Variants in TRIP12 observed in about 807,000 individuals in gnomAD.
The protein encoded by TRIP12 is E3 ubiquitin-protein ligase TRIP12.
In TRIP12, 25 loss-of-function variants were observed where a neutral mutation model predicts 244.2. The observed-to-expected ratio is 0.10, with a 90% CI of 0.07 to 0.14. The LOEUF is 0.14. TRIP12 is among the 10% of genes least tolerant of loss of function. The probability of loss-of-function intolerance (pLI) is 1.00; values close to 1 mark genes in which losing one functional copy is unlikely to be tolerated. For missense variants in TRIP12, 1,677 were observed against 2,486.4 expected (o/e 0.67, Z 6.92); for synonymous variants, 905 against 873.1 (o/e 1.04, Z -0.64).
intron 4 of TRIP12, among the ~76,000 whole-genome samples, chr2:229,856,384 A>G (rs986177868): frequency 6.6e-6 from 1 of 152,252 alleles, no homozygotes; most frequent in African/African-American, 2.4e-5. Flanking sequence ...GACACTGCCA[A>G]AACTCTTGGT....
At position 229,796,663 on chromosome 2, in the gene TRIP12, A is replaced by G; in HGVS notation, c.3744T>C (p.Ser1248=). 1 of 1,612,918 alleles carries G rather than the reference A, an allele frequency of 6.2e-7. No homozygotes were observed. The change falls in exon 25 of 42, where the codon TCT becomes TCC. Residue 1248 remains serine (S), a synonymous_variant. Transcript: ENST00000675903. ...TGCTCACAGCATCCTTTTCACTTTTAGATGTCAAATAAAGCAACAGCTGCT... is the reference window on the plus strand; with the variant it reads ...TGCTCACAGCATCCTTTTCACTTTTGGATGTCAAATAAAGCAACAGCTGCT... ...FVKQLLLYLT[S]KSEKDAVSRE... is the part of the protein sequence containing the mutation.
Position 229,778,439 on chromosome 2 carries a change from G to A in TRIP12, c.5358C>T (p.Phe1786=). 6.2e-7 allele frequency: 1 copy of A among 1,613,954 alleles called. No individual in the cohort carries two copies. The highest frequency in any genetic ancestry group is 8.5e-7 in the Non-Finnish European group (1 of 1,179,872). The part of the protein sequence containing the change: ...GKLMAKAIMD[F]RLVDLPLGLP... ...CAAACCATCCTAAACTTACCAATCT[G>A]AAATCCATGATAGCCTTGGCCATTA... The change falls in exon 36 of 42, where the codon TTC becomes TTT. Residue 1786 remains phenylalanine, a synonymous_variant. Transcript: ENST00000675903. This position sits in a 1 kb window ranked among gnomAD's most constrained non-coding sequence, Gnocchi z 4.1.
intron 1 of TRIP12, among the ~76,000 whole-genome samples, chr2:229,915,320 A>C (rs2075172236): frequency 6.6e-6 from 1 of 152,222 alleles, no homozygotes; most frequent in Admixed American, 6.5e-5. Context: ...TGGTCAATTA[A>C]AGAGTAACAA....
At position 229,887,810 on chromosome 2, in the gene TRIP12, GCAT is replaced by G. The variant is rs137875869; in HGVS notation, c.-49-7685_-49-7683del. Among the ~76,000 whole-genome samples the G allele has an allele frequency of 3.3e-3, 497 of 152,294 alleles. 4 individuals carry two copies. The highest frequency in any genetic ancestry group is 0.011 in the African/African-American group (463 of 41,558). The stretch of plus-strand genomic sequence containing the variant: ...AGGAATTATTTAATTTTCTGCAAGA[GCAT>G]CATATTTTAATTTTGCTATTATATT... On this transcript the variant is annotated intron_variant, in intron 1 of 41. Coordinates refer to ENST00000675903, the MANE Select transcript of TRIP12 (RefSeq NM_001348323.3).
At chr2:229,819,085 C>CACA (rs1553640456) in intron 8 of TRIP12, among the ~76,000 whole-genome samples, 20 of 109,692 alleles carry the variant, frequency 1.8e-4, no homozygotes, top group East Asian at 1.3e-3. Context: ...CACACACACA[C>CACA]AATTATAAAC....
intron 39 of TRIP12, among the ~76,000 whole-genome samples, chr2:229,770,751 G>A (rs890592281): frequency 1.3e-5 from 2 of 152,110 alleles, no homozygotes; most frequent in Non-Finnish European, 2.9e-5. Flanking sequence ...TGAATCATGG[G>A]GGCAGGTCTT....
intron 1 of TRIP12, among the ~76,000 whole-genome samples, chr2:229,890,164 C>T (rs1417495508): frequency 6.6e-6 from 1 of 151,516 alleles, no homozygotes; most frequent in African/African-American, 2.4e-5. Context: ...ACTGCAACCT[C>T]CGCCTCCCAG....
At chr2:229,921,393 C>T (rs2076529541) in intron 1 of TRIP12, 1 of 152,558 alleles carries the variant, frequency 6.6e-6, no homozygotes, top group African/African-American at 2.4e-5. Context: ...CTCCCCTTTC[C>T]CGATTTCCGG....
chr2:229,905,394 A>G (rs189390218), intron 1 of TRIP12, among the ~76,000 whole-genome samples: 2 of 152,216 alleles, frequency 1.3e-5, no homozygotes, highest in Admixed American at 6.5e-5. Context: ...GAGAGAAGAT[A>G]TATTTTGAAA....
chr2:229,802,908 T>C (rs887925892), intron 20 of TRIP12, among the ~76,000 whole-genome samples: 11 of 151,798 alleles, frequency 7.2e-5, no homozygotes, highest in Admixed American at 1.3e-4. Context: ...AAACCAGCTA[T>C]TGAAGGGTGG....
At chr2:229,822,430 C>G (rs952417958) in intron 8 of TRIP12, among the ~76,000 whole-genome samples, 2 of 152,148 alleles carry the variant, frequency 1.3e-5, no homozygotes, top group Non-Finnish European at 1.5e-5. Flanking sequence ...AATCAAAATT[C>G]TAGGAGGGCC....
rs867167356 is a variant in TRIP12 at position 229,917,633 on chromosome 2, T to C, written c.-50+4247A>G. 1.2e-4 allele frequency among the ~76,000 whole-genome samples: 19 copies of C among 152,136 alleles called. No individual in the cohort carries two copies. The South Asian group carries it at 2.1e-3, about 17-fold the overall frequency. ...ACAGTTGATATCCATCCAGGCACTC[T>C]AATGGCACGTTAGTCAGGGGAGATG... On this transcript the variant is annotated intron_variant, in intron 1 of 41. Transcript: ENST00000675903.
chr2:229,898,352 C>T (rs13388322), intron 1 of TRIP12, among the ~76,000 whole-genome samples: 5 of 152,160 alleles, frequency 3.3e-5, no homozygotes, highest in Admixed American at 6.5e-5. Context: ...CCACAGCGCA[C>T]GAAGTAACAA....
At chr2:229,909,125 T>G (rs1323989058) in intron 1 of TRIP12, among the ~76,000 whole-genome samples, 3 of 151,952 alleles carry the variant, frequency 2.0e-5, no homozygotes, top group Non-Finnish European at 4.4e-5. Flanking sequence ...TATGTTAGTT[T>G]TGTCCAAGTT....
intron 2 of TRIP12, among the ~76,000 whole-genome samples, chr2:229,867,300 G>C (rs948614172): frequency 6.6e-6 from 1 of 151,678 alleles, no homozygotes; most frequent in African/African-American, 2.4e-5. Flanking sequence ...TGAGTAGCTA[G>C]GACTACAGGT....
intron 13 of TRIP12, among the ~76,000 whole-genome samples, chr2:229,813,062 TATC>T (rs1294762548): frequency 6.6e-6 from 1 of 152,196 alleles, no homozygotes; most frequent in Non-Finnish European, 1.5e-5. Flanking sequence ...TTCACACTGT[TATC>T]ATCAGGTCCA....
At chr2:229,868,052 T>C (rs568961863) in intron 2 of TRIP12, among the ~76,000 whole-genome samples, 5 of 152,200 alleles carry the variant, frequency 3.3e-5, no homozygotes, top group Non-Finnish European at 7.3e-5. Context: ...CAAGGCCTGA[T>C]GGGACAGACT....
intron 8 of TRIP12, among the ~76,000 whole-genome samples, chr2:229,821,447 A>C (rs2050035503): frequency 6.6e-6 from 1 of 152,172 alleles, no homozygotes; most frequent in African/African-American, 2.4e-5. Context: ...GATAGCAATT[A>C]TTTTGGGCTT....
At chr2:229,814,516 A>T in intron 11 of TRIP12, 191 bp from the exon 12 acceptor site, 1 of 479,194 alleles carries the variant, frequency 2.1e-6, no homozygotes, top group Admixed American at 3.7e-5. Flanking sequence ...ACCAGTTTGC[A>T]GTTCTAAGAT....
Sources: allele counts gnomAD v4.1 joint callset (sites outside exome capture counted in the v4.1 genomes callset), GRCh38; gene constraint gnomAD v4.1.1; non-coding constraint Gnocchi (gnomAD v3.1); transcripts MANE v1.5; gene names NCBI Gene and HGNC (gene_info 2026-07-23, HGNC 2026-07-21).